Variants in NEBL observed in about 807,000 individuals in gnomAD.
The protein encoded by NEBL is nebulette.
A neutral mutation model predicts 140.2 loss-of-function variants in NEBL; 122 were observed. The observed-to-expected ratio is 0.87, with a 90% CI of 0.75 to 1.01. NEBL has a LOEUF of 1.01. NEBL is among the 50% of genes least tolerant of loss of function. The pLI is 0.00. For synonymous variants in NEBL, 436 were observed against 398.9 expected (o/e 1.09, Z -1.11); for missense variants, 1,365 against 1,231.3 (o/e 1.11, Z -1.62).
At chr10:21,067,849 C>T (rs529750054) in intron 2 of NEBL, among the ~76,000 whole-genome samples, 2 of 152,090 alleles carry the variant, frequency 1.3e-5, no homozygotes, top group East Asian at 1.9e-4. Flanking sequence ...GGCATGGTGG[C>T]GAACCTGTGG....
At chr10:21,110,530 CT>C (rs956647374) in intron 2 of NEBL, among the ~76,000 whole-genome samples, 1 of 152,066 alleles carries the variant, frequency 6.6e-6, no homozygotes, top group Non-Finnish European at 1.5e-5. Flanking sequence ...TGTTCCCTAT[CT>C]TTTTTTCTTA....
chr10:20,987,838 A>G (rs1229909944), intron 3 of NEBL, among the ~76,000 whole-genome samples: 1 of 152,086 alleles, frequency 6.6e-6, no homozygotes, highest in Non-Finnish European at 1.5e-5. Flanking sequence ...TAATACTTCA[A>G]CAATCCTCTG....
intron 7 of NEBL, chr10:20,867,765 A>G (rs1345679273): frequency 6.6e-6 from 1 of 152,050 alleles, no homozygotes; most frequent in Non-Finnish European, 1.5e-5. Context: ...TGTCAGCACC[A>G]TTTATTAGCT....
intron 3 of NEBL, among the ~76,000 whole-genome samples, chr10:21,208,831 C>T (rs1017649558): frequency 5.9e-5 from 9 of 152,162 alleles, no homozygotes; most frequent in African/African-American, 2.2e-4. Context: ...AGTCCAACAG[C>T]ATGGCAGGGA....
chr10:21,169,374 A>C (rs548158302), intron 2 of NEBL, among the ~76,000 whole-genome samples: 1 of 152,136 alleles, frequency 6.6e-6, no homozygotes, highest in South Asian at 2.1e-4. Context: ...TTCTGGTAGC[A>C]GTATACATAA....
At chr10:20,905,413 C>G (rs892738375) in intron 4 of NEBL, among the ~76,000 whole-genome samples, 2 of 152,132 alleles carry the variant, frequency 1.3e-5, no homozygotes, top group Non-Finnish European at 2.9e-5. Flanking sequence ...GAAGGGAAAG[C>G]AGGCACTTCT....
intron 4 of NEBL, among the ~76,000 whole-genome samples, chr10:20,883,600 C>G (rs1039217385): frequency 6.6e-6 from 1 of 152,132 alleles, no homozygotes; most frequent in African/African-American, 2.4e-5. Flanking sequence ...ATGAGATTTG[C>G]TCCTTCTTCT....
At chr10:21,206,762 C>T (rs1424442055) in intron 3 of NEBL, among the ~76,000 whole-genome samples, 2 of 152,006 alleles carry the variant, frequency 1.3e-5, no homozygotes, top group Non-Finnish European at 2.9e-5. Context: ...CAGAAGAAGT[C>T]GTGGGACAGG....
intron 2 of NEBL, among the ~76,000 whole-genome samples, chr10:21,096,082 A>G (rs1001027944): frequency 6.6e-6 from 1 of 152,238 alleles, no homozygotes. Flanking sequence ...TCCCATAAGC[A>G]TGTCCATTTA....
chr10:21,220,720 AATG>A (rs1842055490), intron 3 of NEBL, among the ~76,000 whole-genome samples: 1 of 152,208 alleles, frequency 6.6e-6, no homozygotes, highest in Non-Finnish European at 1.5e-5. Context: ...TAACCTATGG[AATG>A]GGAGAAAATA....
chr10:20,951,228 A>C (rs1835446766), intron 4 of NEBL, among the ~76,000 whole-genome samples: 1 of 152,226 alleles, frequency 6.6e-6, no homozygotes, highest in African/African-American at 2.4e-5. Flanking sequence ...AACCAAATAG[A>C]GTCTGGAGGC....
chr10:21,089,115 G>A (rs1377498279), intron 2 of NEBL, among the ~76,000 whole-genome samples: 7 of 152,158 alleles, frequency 4.6e-5, no homozygotes, highest in African/African-American at 1.7e-4. Context: ...AGGATTGTGT[G>A]GGAATTAAAG....
At chr10:21,103,300 G>A (rs1028511810) in intron 2 of NEBL, among the ~76,000 whole-genome samples, 10 of 149,400 alleles carry the variant, frequency 6.7e-5, no homozygotes, top group South Asian at 4.2e-4. Context: ...TGCAAGCTCC[G>A]CCTTCCGGGT....
intron 3 of NEBL, among the ~76,000 whole-genome samples, chr10:21,185,219 C>A (rs1370621443): frequency 6.6e-6 from 1 of 152,152 alleles, no homozygotes; most frequent in African/African-American, 2.4e-5. Flanking sequence ...AAGAATGCAG[C>A]CGGCTGGTAA....
chr10:21,016,550 A>T (rs1838564936), intron 3 of NEBL, among the ~76,000 whole-genome samples: 1 of 152,212 alleles, frequency 6.6e-6, no homozygotes, highest in African/African-American at 2.4e-5. Flanking sequence ...GATTTTCTTT[A>T]TTTTTGGCTC....
At chr10:21,174,003 C>CGGGGCCTGGCGCCT in exon 1 of NEBL, 1 of 1,178,760 alleles carries the variant, frequency 8.5e-7, no homozygotes, top group East Asian at 4.0e-5. Flanking sequence ...GGGAGGGCGA[C>CGGGGCCTGGCGCCT]GGGGCCTGGC....
chr10:20,896,499 T>C (rs1173134058), intron 2 of NEBL, among the ~76,000 whole-genome samples: 2 of 70,252 alleles, frequency 2.8e-5, no homozygotes, highest in African/African-American at 1.0e-4. Flanking sequence ...TATATATATA[T>C]ATATATATAT....
chr10:20,822,210 G>A (rs1016627758), intron 19 of NEBL, among the ~76,000 whole-genome samples: 8 of 151,876 alleles, frequency 5.3e-5, no homozygotes, highest in African/African-American at 1.5e-4. Flanking sequence ...GGATGCCCAC[G>A]ACCCCTAATC....
At chr10:21,003,249 G>T (rs1039821422) in intron 3 of NEBL, among the ~76,000 whole-genome samples, 2 of 151,892 alleles carry the variant, frequency 1.3e-5, no homozygotes, top group Non-Finnish European at 2.9e-5. Context: ...TCCCACCCTG[G>T]GGAACACAGA....
Sources: gnomAD v4.1 joint callset for allele counts (sites outside exome capture counted in the v4.1 genomes callset) on GRCh38, gnomAD v4.1.1 for gene constraint, MANE v1.5 for transcripts, NCBI Gene and HGNC (gene_info 2026-07-23, HGNC 2026-07-21) for gene names.